Variants in PCDHA13 observed in about 807,000 individuals in gnomAD.
PCDHA13 encodes protocadherin alpha-13.
PCDHA13 carries 54 observed loss-of-function variants against 64.8 expected under a neutral mutation model. The observed-to-expected ratio is 0.83, with a 90% confidence interval of 0.67 to 1.04. PCDHA13 has a LOEUF of 1.04. PCDHA13 is among the 50% of genes least tolerant of loss of function. The pLI is 0.00. For synonymous variants in PCDHA13, 587 were observed against 564.4 expected, an observed-to-expected ratio of 1.04 and a Z score of -0.57; for missense variants, 1,248 against 1,254.3, an observed-to-expected ratio of 0.99 and a Z score of 0.08.
intron 1 of PCDHA13, among the ~76,000 whole-genome samples, chr5:140,888,659 C>A (rs1373585694): frequency 6.6e-6 from 1 of 152,198 alleles, no homozygotes; most frequent in Non-Finnish European, 1.5e-5. Context: ...AGGACACCAC[C>A]TAATGCCCTG....
chr5:140,966,499 A>AGCG (rs1178498918), intron 1 of PCDHA13: 4 of 431,834 alleles, frequency 9.3e-6, no homozygotes, highest in Non-Finnish European at 1.6e-5. Flanking sequence ...CTGGAGCTGT[A>AGCG]GCGGCAGCAG....
chr5:140,980,427 C>T (rs551274468), intron 2 of PCDHA13, among the ~76,000 whole-genome samples: 2 of 152,198 alleles, frequency 1.3e-5, no homozygotes, highest in South Asian at 2.1e-4. Flanking sequence ...GTCAAGAGAT[C>T]GAGACCATCC....
Position 140,883,339 on chromosome 5 carries a change from C to G in PCDHA13, c.1071C>G (p.Leu357=), listed in dbSNP as rs142984869. Residue 357 remains leucine (L), a synonymous_variant, in exon 1 of 4, where the codon CTC becomes CTG. Coordinates refer to ENST00000289272, the MANE Select transcript of PCDHA13 (RefSeq NM_018904.3). ...APEVTITSLS[L]PIREDTQPSA... is the part of the protein sequence containing the mutation. ...AGGTTACCATCACTTCTTTGTCACTCCCCATCAGAGAAGACACTCAGCCTA... is the reference window on the plus strand; with the variant it reads ...AGGTTACCATCACTTCTTTGTCACTGCCCATCAGAGAAGACACTCAGCCTA... 2 of 1,614,172 alleles carry G rather than the reference C, an allele frequency of 1.2e-6. No homozygotes were observed. The highest frequency in any genetic ancestry group is 2.2e-5 in the South Asian group (2 of 91,078).
chr5:140,935,852 CTT>C (rs1267620281), intron 1 of PCDHA13, among the ~76,000 whole-genome samples: 2 of 149,326 alleles, frequency 1.3e-5, no homozygotes, highest in African/African-American at 4.9e-5. Context: ...TTAATGGTGT[CTT>C]TTGATTAGCA....
At chr5:140,952,721 G>A (rs781821007) in intron 1 of PCDHA13, among the ~76,000 whole-genome samples, 1 of 152,100 alleles carries the variant, frequency 6.6e-6, no homozygotes, top group Non-Finnish European at 1.5e-5. Context: ...TCAATTTTCT[G>A]TACTAGTCTT....
At chr5:141,001,032 TTTAA>T (rs1332637304) in intron 3 of PCDHA13, among the ~76,000 whole-genome samples, 3 of 152,348 alleles carry the variant, frequency 2.0e-5, no homozygotes, top group Middle Eastern at 3.4e-3. Flanking sequence ...TAATAATAGC[TTTAA>T]TTAATTGTAA....
At chr5:140,976,724 T>C (rs372662527) in intron 1 of PCDHA13, among the ~76,000 whole-genome samples, 6 of 152,202 alleles carry the variant, frequency 3.9e-5, no homozygotes, top group African/African-American at 1.4e-4. Flanking sequence ...AGTTCATTTA[T>C]TTAAACACAT....
intron 1 of PCDHA13, among the ~76,000 whole-genome samples, chr5:140,918,196 G>T (rs978589409): frequency 7.9e-5 from 12 of 152,102 alleles, no homozygotes; most frequent in Non-Finnish European, 1.6e-4. Flanking sequence ...CCTCAGCTTG[G>T]ATGTTGTTGG....
rs1554225842 is a variant in PCDHA13 at position 140,962,164 on chromosome 5, C to T, written c.2395-16785C>T. Among the ~76,000 whole-genome samples the T allele has an allele frequency of 2.0e-5, 3 of 152,236 alleles. No individual in the cohort carries two copies. In the South Asian group the frequency reaches 6.2e-4, roughly 32 times the overall value. On this transcript the variant is annotated intron_variant, in intron 1 of 3. Transcript: ENST00000289272. ...TGCTGGGATTACAGGCGTGAGCCAC[C>T]ACACCCGGCCACTTATATCACTTTT...
intron 1 of PCDHA13, among the ~76,000 whole-genome samples, chr5:140,917,241 C>G (rs1383271236): frequency 6.7e-6 from 1 of 150,002 alleles, no homozygotes; most frequent in Non-Finnish European, 1.5e-5. Context: ...AATCTAGGTA[C>G]TACGATTGCT....
chr5:140,916,437 C>T lies in PCDHA13; in HGVS notation c.2394+31775C>T, dbSNP rs77605255. Among the ~76,000 whole-genome samples the T allele has an allele frequency of 8.0e-3, 1,220 of 152,340 alleles. 6 individuals are homozygous for T. The highest frequency in any genetic ancestry group is 0.019 in the African/African-American group (786 of 41,586). Reference sequence around the variant, plus strand: ...AGCACATCTCAGAACCTAAGGCCCACAGTATACTACCTGGATATCACTGCT... The same window carrying T: ...AGCACATCTCAGAACCTAAGGCCCATAGTATACTACCTGGATATCACTGCT... On this transcript the variant is annotated intron_variant, in intron 1 of 3. Coordinates refer to ENST00000289272, the MANE Select transcript of PCDHA13 (RefSeq NM_018904.3).
At chr5:140,949,745 T>C (rs114918785) in intron 1 of PCDHA13, among the ~76,000 whole-genome samples, 49 of 152,020 alleles carry the variant, frequency 3.2e-4, no homozygotes, top group African/African-American at 1.1e-3. Context: ...ACTGAAGTGC[T>C]TAGCCCATTC....
intron 3 of PCDHA13, among the ~76,000 whole-genome samples, chr5:141,003,751 T>G (rs3822342): frequency 0.05 from 7,683 of 152,316 alleles, 243 homozygotes; most frequent in South Asian, 0.11. Flanking sequence ...ATATTTTGTA[T>G]AATTATGGTC....
chr5:141,008,241 C>G (rs1474460463), intron 3 of PCDHA13, among the ~76,000 whole-genome samples: 2 of 152,118 alleles, frequency 1.3e-5, no homozygotes, highest in African/African-American at 2.4e-5. Flanking sequence ...TGCTCAGGGA[C>G]ACCAAATTAG....
In PCDHA13 at chr5:140,967,001, A is replaced by T. The variant is rs1048933252; in HGVS notation, c.2395-11948A>T. The T allele has an allele frequency of 3.1e-6, 5 of 1,605,060 alleles. No homozygotes were observed. The South Asian group carries it at 5.5e-5, about 18-fold the overall frequency. The stretch of plus-strand genomic sequence containing the variant: ...GCGCTTGGGGCCGGGTTGCTTGCGC[A>T]TCAACCATCTGGGTGCGCCCAGTCC... On this transcript the variant is annotated intron_variant, in intron 1 of 3. Transcript: ENST00000289272.
At chr5:140,963,611 A>C (rs955529183) in intron 1 of PCDHA13, among the ~76,000 whole-genome samples, 1 of 152,208 alleles carries the variant, frequency 6.6e-6, no homozygotes, top group Admixed American at 6.5e-5. Context: ...TAATTGGGAA[A>C]GCTTAACTTT....
rs1554181316 is a variant in PCDHA13 at position 140,884,193 on chromosome 5, C to T, written c.1925C>T (p.Ala642Val). The change falls in exon 1 of 4, where the codon GCG becomes GTG. Residue 642 changes from alanine to valine, a missense_variant. Ala to Val is a moderately conservative substitution (Grantham distance 64, BLOSUM62 0). Transcript: ENST00000289272. ...STTRPLDEVDAPHHRLLVLVK... is the reference protein window; with the variant it reads ...STTRPLDEVDVPHHRLLVLVK... ...ACGCGCCCTCTGGACGAGGTGGACG[C>T]GCCGCACCACCGCCTTCTGGTGCTG... is the stretch of plus-strand genomic sequence containing the variant. 2 of 1,613,432 alleles carry T rather than the reference C, an allele frequency of 1.2e-6. No individual in the cohort carries two copies. Among genetic ancestry groups the T allele is most frequent in the African/African-American group, 1.3e-5 (1 of 75,024 alleles).
At chr5:140,920,841 TAAA>T (rs781921146) in intron 1 of PCDHA13, among the ~76,000 whole-genome samples, 2 of 109,226 alleles carry the variant, frequency 1.8e-5, no homozygotes, top group Non-Finnish European at 3.9e-5. Context: ...AGACCAAATC[TAAA>T]AAAAAAAAAA....
At chr5:140,941,666 C>G (rs1029878263) in intron 1 of PCDHA13, among the ~76,000 whole-genome samples, 4 of 152,004 alleles carry the variant, frequency 2.6e-5, no homozygotes, top group Non-Finnish European at 4.4e-5. Context: ...AATTTTATGT[C>G]AAGTTCAATA....
Sources: allele counts gnomAD v4.1 joint callset (sites outside exome capture counted in the v4.1 genomes callset), GRCh38; gene constraint gnomAD v4.1.1; transcripts MANE v1.5; gene names NCBI Gene and HGNC (gene_info 2026-07-23, HGNC 2026-07-21).